The following TAF6L variants were observed in gnomAD, a reference collection of about 807,000 sequenced individuals.
The protein encoded by TAF6L is TAF6-like RNA polymerase II p300/CBP-associated factor-associated factor 65 kDa subunit 6L.
TAF6L carries 34 observed loss-of-function variants against 57.3 expected under a neutral mutation model. That is an observed-to-expected ratio of 0.59 (90% confidence interval 0.45 to 0.79). The LOEUF is 0.79. Among genes scored for constraint, TAF6L ranks in the 30% least tolerant of loss-of-function variants. The probability of loss-of-function intolerance (pLI) is 0.00; values close to 1 mark genes in which losing one functional copy is unlikely to be tolerated. For missense variants in TAF6L, 782 were observed against 853.2 expected, an observed-to-expected ratio of 0.92 and a Z score of 1.04; for synonymous variants, 417 against 376.3, an observed-to-expected ratio of 1.11 and a Z score of -1.25.
At chr11:62,783,211 A>G (rs938189128) in intron 9 of TAF6L, among the ~76,000 whole-genome samples, 7 of 152,320 alleles carry the variant, frequency 4.6e-5, no homozygotes, top group South Asian at 2.1e-4. Context: ...CGCCGGGCGC[A>G]GTGGCTCACG....
rs960534392 is a variant in TAF6L at position 62,778,316 on chromosome 11, C to T, written c.417C>T (p.Asn139=). The T allele has an allele frequency of 1.9e-6, 3 of 1,614,164 alleles. No homozygotes were observed. Among genetic ancestry groups the T allele is most frequent in the East Asian group, 4.5e-5 (2 of 44,892 alleles). Residue 139 remains asparagine (N), a synonymous_variant, in exon 5 of 11, where the codon AAC becomes AAT. Transcript: ENST00000294168. ...TCTCCTACCTGGATGGCAAAGGGAA[C>T]CTGGCACCTCAAGGATCGGGTAAGG... ...VHVSYLDGKG[N]LAPQGSVPSA...
In TAF6L at chr11:62,775,768, C is replaced by G. The variant is rs1022168635; in HGVS notation, c.-13-3C>G. 6.3e-7 allele frequency: 1 copy of G among 1,599,536 alleles called. No homozygotes were observed. Among genetic ancestry groups the G allele is most frequent in the African/African-American group, 1.3e-5 (1 of 74,750 alleles). ...TTTTCCAGTCTTCATTCTCCACTCC[C>G]AGCTCCACTGGGGCCATGTCAGAGC... On this transcript the variant is annotated splice_region_variant and splice_polypyrimidine_tract_variant and intron_variant, in intron 1 of 10. Coordinates refer to ENST00000294168, the MANE Select transcript of TAF6L (RefSeq NM_006473.4).
rs372280960 is a variant in TAF6L at position 62,787,300 on chromosome 11, A to G, written c.*4A>G. 2.0e-5 allele frequency: 30 copies of G among 1,536,236 alleles called. No individual in the cohort carries two copies. In the African/African-American group the frequency reaches 3.8e-4, roughly 19 times the overall value. On this transcript the variant is annotated 3_prime_UTR_variant, in exon 11 of 11. Coordinates refer to ENST00000294168, the MANE Select transcript of TAF6L (RefSeq NM_006473.4). Reference sequence around the variant, plus strand: ...CTCGCTGTACTTGCCGCTCTGAGTCAGTGGCCCCTTCGTTCCTTGTAAATA... The same window carrying G: ...CTCGCTGTACTTGCCGCTCTGAGTCGGTGGCCCCTTCGTTCCTTGTAAATA...
rs376799666 is a variant in TAF6L at position 62,784,268 on chromosome 11, G to T, written c.960+1443G>T. ...TTCCCAAAGTGCTGGGATTACAGGC[G>T]TGAGCCACCGGTGCCTGGCCATATA... On this transcript the variant is annotated intron_variant, in intron 9 of 10. Coordinates refer to ENST00000294168, the MANE Select transcript of TAF6L (RefSeq NM_006473.4). 4.0e-5 allele frequency among the ~76,000 whole-genome samples: 6 copies of T among 149,788 alleles called. No individual in the cohort carries two copies. The East Asian group carries it at 5.9e-4, about 15-fold the overall frequency.
chr11:62,778,455 C>T, intron 5 of TAF6L, 120 bp downstream of exon 5: 2 of 1,267,198 alleles, frequency 1.6e-6, no homozygotes, highest in Non-Finnish European at 2.3e-6. Context: ...CTGCCTTGTG[C>T]CATGGTCTGA....
intron 5 of TAF6L, 87 bp downstream of exon 5, chr11:62,778,422 G>C (rs539115165): frequency 4.7e-6 from 7 of 1,484,948 alleles, no homozygotes; most frequent in Admixed American, 3.5e-5. Flanking sequence ...CCGAGTCTGC[G>C]TCTAACATGT....
At position 62,786,920 on chromosome 11, in the gene TAF6L, G is replaced by T; in HGVS notation, c.1493G>T (p.Gly498Val). Residue 498 changes from glycine (G) to valine (V), a missense_variant, in exon 11 of 11, where the codon GGC becomes GTC. This residue lies in a region of TAF6L where 483 missense variants were observed against 445.1 expected (regional missense o/e 1.09). Coordinates refer to ENST00000294168, the MANE Select transcript of TAF6L (RefSeq NM_006473.4). ...LTASAIVSPHGDESPRGSGGG... is the reference protein window; with the variant it reads ...LTASAIVSPHVDESPRGSGGG... Reference sequence around the variant, plus strand: ...GCAAGCGCCATAGTCAGCCCGCACGGCGACGAGAGCCCCCGGGGCAGCGGC... The same window carrying T: ...GCAAGCGCCATAGTCAGCCCGCACGTCGACGAGAGCCCCCGGGGCAGCGGC... The T allele has an allele frequency of 6.7e-7, 1 of 1,493,236 alleles. No homozygotes were observed. The highest frequency in any genetic ancestry group is 1.5e-5 in the African/African-American group (1 of 68,858). 92.5% of individuals were successfully genotyped at this position (1,493,236 alleles called of 1,614,324 possible).
chr11:62,778,591 A>G, intron 5 of TAF6L: 1 of 614,938 alleles, frequency 1.6e-6, no homozygotes, highest in East Asian at 2.7e-5. Context: ...GCGGTGTTTC[A>G]CCCCCAGGGT....
chr11:62,772,053 C>T (rs2084152132), intron 1 of TAF6L: 2 of 455,708 alleles, frequency 4.4e-6, no homozygotes, highest in South Asian at 1.6e-5. Context: ...CCTTGCTCCC[C>T]CTCCCTACTT....
chr11:62,782,491 T>A, intron 8 of TAF6L, 158 bp downstream of exon 8: 1 of 1,040,766 alleles, frequency 9.6e-7, no homozygotes, highest in Admixed American at 2.7e-5. Flanking sequence ...CACACTGGGA[T>A]TCTGAAAATG....
At chr11:62,771,972 G>A in intron 1 of TAF6L, 1 of 387,160 alleles carries the variant, frequency 2.6e-6, no homozygotes, top group Non-Finnish European at 5.1e-6. Context: ...TGGGATCCAG[G>A]CCTTGTTCCC....
intron 6 of TAF6L, among the ~76,000 whole-genome samples, chr11:62,781,319 C>T (rs1384463618): frequency 6.6e-6 from 1 of 151,708 alleles, no homozygotes; most frequent in Non-Finnish European, 1.5e-5. Flanking sequence ...TGATTACTCT[C>T]ATAAAAACCT....
In TAF6L at chr11:62,786,889, C is replaced by A; in HGVS notation, c.1462C>A (p.Leu488Met). Residue 488 changes from leucine to methionine, a missense_variant, in exon 11 of 11, where the codon CTG becomes ATG. This residue lies in a region of TAF6L where 483 missense variants were observed against 445.1 expected (regional missense o/e 1.09). Coordinates refer to ENST00000294168, the MANE Select transcript of TAF6L (RefSeq NM_006473.4). The part of the protein sequence containing the change: ...APDSVRKMPQ[L>M]TASAIVSPHG... ...GGACTCGGTGCGGAAGATGCCGCAG[C>A]TGACGGCAAGCGCCATAGTCAGCCC... is the stretch of plus-strand genomic sequence containing the variant. 6.4e-7 allele frequency: 1 copy of A among 1,560,044 alleles called. No individual in the cohort carries two copies. The highest frequency in any genetic ancestry group is 8.6e-7 in the Non-Finnish European group (1 of 1,161,994).
intron 8 of TAF6L, 160 bp from the exon 9 acceptor site, chr11:62,782,533 A>C: frequency 8.7e-7 from 1 of 1,147,124 alleles, no homozygotes; most frequent in East Asian, 2.4e-5. Context: ...TTGGTTCTTC[A>C]GCCCTCAGGT....
chr11:62,775,641 G>C (rs1267563918), intron 1 of TAF6L, 130 bp from the exon 2 acceptor site: 1 of 957,694 alleles, frequency 1.0e-6, no homozygotes, highest in Non-Finnish European at 1.5e-6. Context: ...TCCTCATCTG[G>C]GTACTCAGAG....
At chr11:62,782,975 C>A in intron 9 of TAF6L, 150 bp downstream of exon 9, 1 of 1,199,252 alleles carries the variant, frequency 8.3e-7, no homozygotes, top group African/African-American at 1.5e-5. Context: ...TGATACTTGA[C>A]TTTCTGAATG....
rs2134715839 is a variant in TAF6L, at chr11:62,781,912, C to G, written c.550C>G (p.Gln184Glu). The change falls in exon 7 of 11, where the codon CAG (glutamine) becomes GAG (glutamate). Residue 184 changes from glutamine to glutamate, a missense_variant. Coordinates refer to ENST00000294168, the MANE Select transcript of TAF6L (RefSeq NM_006473.4). Reference sequence around the variant, plus strand: ...CTTTTAGGTTGCACTCCAGGACTTGCAGACGAACTCCAAGATTGGGGCACT... The same window carrying G: ...CTTTTAGGTTGCACTCCAGGACTTGGAGACGAACTCCAAGATTGGGGCACT... ...QLMKVALQDL[Q>E]TNSKIGALLP... 1 of 1,614,146 alleles carries G rather than the reference C, an allele frequency of 6.2e-7. No individual in the cohort carries two copies. Among genetic ancestry groups the G allele is most frequent in the East Asian group, 2.2e-5 (1 of 44,882 alleles).
At chr11:62,782,528 T>C (rs1425773372) in intron 8 of TAF6L, 165 bp from the exon 9 acceptor site, 1 of 1,113,900 alleles carries the variant, frequency 9.0e-7, no homozygotes, top group African/African-American at 1.6e-5. Context: ...AGGTATTGGT[T>C]CTTCAGCCCT....
rs779826240 is a variant in TAF6L, at chr11:62,787,224, C to T, written c.1797C>T (p.Pro599=). The change falls in exon 11 of 11, where the codon CCC becomes CCT. Residue 599 remains proline (P), a synonymous_variant. Transcript: ENST00000294168. ...CCTCGCGCTACGTGCAGAAACTGCC[C>T]ATGATCGGCCGTACCAGCCGCCCCG... The part of the protein sequence containing the change: ...SPASRYVQKL[P]MIGRTSRPAR... 3 of 1,581,504 alleles carry T rather than the reference C, an allele frequency of 1.9e-6. No homozygotes were observed. Among genetic ancestry groups the T allele is most frequent in the Non-Finnish European group, 2.6e-6 (3 of 1,171,930 alleles).
Sources: allele counts gnomAD v4.1 joint callset (sites outside exome capture counted in the v4.1 genomes callset), GRCh38; gene constraint gnomAD v4.1.1; regional missense constraint gnomAD v4.1.1; transcripts MANE v1.5; gene names NCBI Gene and HGNC (gene_info 2026-07-23, HGNC 2026-07-21).